FNIP1: variants seen among roughly 807,000 people sequenced by gnomAD.
The protein encoded by FNIP1 is folliculin-interacting protein 1.
A neutral mutation model predicts 124.5 loss-of-function variants in FNIP1; 40 were observed. The ratio of observed to expected loss-of-function variants is 0.32; its 90% CI spans 0.25 to 0.42. The LOEUF (loss-of-function observed/expected upper bound fraction) is 0.42, where lower values mean the gene tolerates loss of function less well. Among genes scored for constraint, FNIP1 ranks in the 10% least tolerant of loss-of-function variants. The pLI is 1.00. For synonymous variants in FNIP1, 472 were observed against 470.6 expected (o/e 1.00, Z -0.04); for missense variants, 1,176 against 1,403.7 (o/e 0.84, Z 2.59).
At chr5:131,742,808 GACAA>G (rs1276850018) in intron 2 of FNIP1, among the ~76,000 whole-genome samples, 1 of 151,990 alleles carries the variant, frequency 6.6e-6, no homozygotes, top group Non-Finnish European at 1.5e-5. Context: ...TAGAACCCAG[GACAA>G]ACAATGAGTA....
intron 5 of FNIP1, among the ~76,000 whole-genome samples, chr5:131,718,608 A>T (rs1174524938): frequency 6.6e-6 from 1 of 152,180 alleles, no homozygotes; most frequent in African/African-American, 2.4e-5. Context: ...AGTATGGCTG[A>T]CCTAGGTCAG....
At chr5:131,647,405 T>C (rs1031002186) in intron 16 of FNIP1, among the ~76,000 whole-genome samples, 200 bp from the exon 17 acceptor site, 2 of 124,464 alleles carry the variant, frequency 1.6e-5, no homozygotes, top group African/African-American at 6.4e-5. Context: ...AAAGATTAGC[T>C]TCTACAGCGT....
chr5:131,643,805 C>T lies in FNIP1; in HGVS notation c.*880G>A, dbSNP rs577855202. ...TTAAAGAATATAGTATTGTTTTTGC[C>T]GATGCTTTGGTGCAATTTTTAATCC... On this transcript the variant is annotated 3_prime_UTR_variant, in exon 18 of 18. Coordinates refer to ENST00000510461, the MANE Select transcript of FNIP1 (RefSeq NM_133372.3). 1.6e-3 allele frequency: 237 copies of T among 152,352 alleles called. 1 individual carries two copies. Among genetic ancestry groups the T allele is most frequent in the Non-Finnish European group, 1.9e-3 (126 of 67,940 alleles). The allele number at this position is 152,352 out of a possible 1,614,324, so 9.4% of individuals were successfully genotyped here. A position where few individuals can be genotyped will look rare whatever the true frequency, so the allele number is the denominator to read the frequency against.
intron 1 of FNIP1, among the ~76,000 whole-genome samples, chr5:131,766,108 C>CA (rs1771414136): frequency 6.9e-6 from 1 of 145,074 alleles, no homozygotes; most frequent in African/African-American, 2.5e-5. Flanking sequence ...ACTGCTTTTT[C>CA]TTTTTTTTTT....
chr5:131,697,084 A>G (rs1216083390), intron 11 of FNIP1, among the ~76,000 whole-genome samples: 1 of 152,182 alleles, frequency 6.6e-6, no homozygotes, highest in Non-Finnish European at 1.5e-5. Flanking sequence ...GCAATCCTGC[A>G]GTTACACAAA....
At chr5:131,751,710 T>C (rs1261683003) in intron 1 of FNIP1, among the ~76,000 whole-genome samples, 1 of 152,176 alleles carries the variant, frequency 6.6e-6, no homozygotes, top group African/African-American at 2.4e-5. Flanking sequence ...GCATACTACA[T>C]GGGTGAACCT....
Position 131,749,392 on chromosome 5 carries a change from C to CTT in FNIP1, c.93-4704_93-4703dup, listed in dbSNP as rs1330566507. On this transcript the variant is annotated intron_variant, in intron 1 of 17. Transcript: ENST00000510461. The stretch of plus-strand genomic sequence containing the variant: ...CCTATATAAGTGTACCACTTTTTAT[C>CTT]TTTTTTTTTTTTTTTTTTGAGATGC... Among the ~76,000 whole-genome samples, 20 of 133,076 alleles carry CTT rather than the reference C, an allele frequency of 1.5e-4. No homozygotes were observed. In the East Asian group the frequency reaches 1.7e-3, roughly 12 times the overall value. The allele number at this position is 133,076 out of a possible 152,430, so 87.3% of individuals were successfully genotyped here.
intron 11 of FNIP1, among the ~76,000 whole-genome samples, chr5:131,690,619 G>A (rs1768447303): frequency 6.6e-6 from 1 of 152,102 alleles, no homozygotes; most frequent in Non-Finnish European, 1.5e-5. Context: ...GGCCTCCACA[G>A]CCATGCTGAA....
At chr5:131,692,488 C>T (rs193243134) in intron 11 of FNIP1, among the ~76,000 whole-genome samples, 15 of 152,162 alleles carry the variant, frequency 9.9e-5, no homozygotes, top group Non-Finnish European at 1.9e-4. Flanking sequence ...CCAAGTTGAT[C>T]CATAGATTCA....
At chr5:131,776,623 G>C (rs1369544493) in intron 1 of FNIP1, among the ~76,000 whole-genome samples, 1 of 152,204 alleles carries the variant, frequency 6.6e-6, no homozygotes, top group Non-Finnish European at 1.5e-5. Flanking sequence ...ACAGTAGTGT[G>C]TGATTACAAT....
At chr5:131,768,463 C>T (rs1028219110) in intron 1 of FNIP1, among the ~76,000 whole-genome samples, 2 of 76,352 alleles carry the variant, frequency 2.6e-5, no homozygotes, top group Non-Finnish European at 3.0e-5. Flanking sequence ...GGGTCATACA[C>T]AGTTTTTTTT....
intron 1 of FNIP1, among the ~76,000 whole-genome samples, chr5:131,760,979 C>T (rs1348754150): frequency 6.6e-6 from 1 of 152,092 alleles, no homozygotes; most frequent in Non-Finnish European, 1.5e-5. Flanking sequence ...AAAACATTCC[C>T]AATACAGCAA....
At chr5:131,713,297 T>C (rs1769360720) in intron 6 of FNIP1, among the ~76,000 whole-genome samples, 1 of 152,130 alleles carries the variant, frequency 6.6e-6, no homozygotes, top group African/African-American at 2.4e-5. Flanking sequence ...CTGCCCGCCT[T>C]GGCCTCCCAA....
rs770475033 is a variant in FNIP1, at chr5:131,731,089, A to G, written c.220-51T>C. The G allele has an allele frequency of 1.4e-5, 21 of 1,533,744 alleles. No homozygotes were observed. The Admixed American group carries it at 3.0e-4, about 22-fold the overall frequency. ...TGTTTTAACAGATTTTTAACCATATACAAATTTCATCAAAGTATAAAAACC... is the reference window on the plus strand; with the variant it reads ...TGTTTTAACAGATTTTTAACCATATGCAAATTTCATCAAAGTATAAAAACC... On this transcript the variant is annotated intron_variant, in intron 2 of 17. Transcript: ENST00000510461.
At chr5:131,688,218 A>G (rs1241279538) in intron 11 of FNIP1, among the ~76,000 whole-genome samples, 1 of 152,152 alleles carries the variant, frequency 6.6e-6, no homozygotes, top group Non-Finnish European at 1.5e-5. Context: ...TACAACTAAA[A>G]GAGCTGCAGG....
intron 15 of FNIP1, among the ~76,000 whole-genome samples, chr5:131,656,117 G>T (rs931858406): frequency 1.3e-5 from 2 of 152,024 alleles, no homozygotes; most frequent in Non-Finnish European, 2.9e-5. Flanking sequence ...GTGTTTAAAG[G>T]TTCTCATGTA....
rs138060772 is a variant in FNIP1 at position 131,772,382 on chromosome 5, C to T, written c.92+24448G>A. Among the ~76,000 whole-genome samples the T allele has an allele frequency of 3.2e-3, 472 of 148,896 alleles. 3 individuals carry two copies. The highest frequency in any genetic ancestry group is 0.011 in the African/African-American group (449 of 40,266). The stretch of plus-strand genomic sequence containing the variant: ...CAAACCTAAAAAAGAATAAATTTTA[C>T]TGCATGTAAACTGTATCTGAATAAA... On this transcript the variant is annotated intron_variant, in intron 1 of 17. Transcript: ENST00000510461.
Position 131,695,874 on chromosome 5 carries a change from C to T in FNIP1, c.1202+3043G>A, listed in dbSNP as rs140887847. 5.9e-5 allele frequency among the ~76,000 whole-genome samples: 9 copies of T among 152,320 alleles called. No homozygotes were observed. The East Asian group carries it at 1.4e-3, about 23-fold the overall frequency. The stretch of plus-strand genomic sequence containing the variant: ...TGTTCAACATTGAGAAAACAGAAAA[C>T]CACTTATCTTGAGCTTAATATGGGC... On this transcript the variant is annotated intron_variant, in intron 11 of 17. Coordinates refer to ENST00000510461, the MANE Select transcript of FNIP1 (RefSeq NM_133372.3).
At chr5:131,796,140 G>T (rs534896857) in intron 1 of FNIP1, 1 of 152,166 alleles carries the variant, frequency 6.6e-6, no homozygotes. Flanking sequence ...GTAACAATTC[G>T]AGGAGGAAGA....
Sources: allele counts gnomAD v4.1 joint callset (sites outside exome capture counted in the v4.1 genomes callset), GRCh38; gene constraint gnomAD v4.1.1; transcripts MANE v1.5; gene names NCBI Gene and HGNC (gene_info 2026-07-23, HGNC 2026-07-21).